Variants in ZMPSTE24 observed in about 807,000 individuals in gnomAD.
The protein encoded by ZMPSTE24 is CAAX prenyl protease 1 homolog.
ZMPSTE24 carries 48 observed loss-of-function variants against 56.7 expected under a neutral mutation model. That is an observed-to-expected ratio of 0.85 (90% CI 0.67 to 1.08). The LOEUF (loss-of-function observed/expected upper bound fraction) is 1.08. Ranked by LOEUF, ZMPSTE24 falls within the 50% of genes least tolerant of loss-of-function variation. ZMPSTE24 has a pLI of 0.00. For missense variants in ZMPSTE24, 503 were observed against 548.7 expected, an observed-to-expected ratio of 0.92 and a Z score of 0.83; for synonymous variants, 172 against 195.2, an observed-to-expected ratio of 0.88 and a Z score of 0.99.
At chr1:40,267,923 A>C in intron 3 of ZMPSTE24, 51 bp downstream of exon 3, 1 of 1,539,110 alleles carries the variant, frequency 6.5e-7, no homozygotes, top group East Asian at 2.3e-5. Context: ...TTAGCTTGGC[A>C]GGCTTTCCAC....
rs545290137 is a variant in ZMPSTE24 at position 40,290,692 on chromosome 1, G to A, written c.1060-162G>A. 384 of 645,938 alleles carry A rather than the reference G, an allele frequency of 5.9e-4. 2 individuals carry two copies. The African/African-American group carries it at 6.7e-3, about 11-fold the overall frequency. 40.0% of individuals were successfully genotyped at this position (645,938 alleles called of 1,614,324 possible). On this transcript the variant is annotated intron_variant, in intron 8 of 9. Coordinates refer to ENST00000372759, the MANE Select transcript of ZMPSTE24 (RefSeq NM_005857.5). The stretch of plus-strand genomic sequence containing the variant: ...TTAGCCAGGATGGTCTCAATCTCCT[G>A]ACCTCGTGATCCACCCGCCTTGGCC...
chr1:40,275,092 C>T (rs1209796939), intron 6 of ZMPSTE24, among the ~76,000 whole-genome samples: 1 of 152,052 alleles, frequency 6.6e-6, no homozygotes, highest in Non-Finnish European at 1.5e-5. Context: ...TAGAAACCAA[C>T]TGTGGCTGAT....
chr1:40,273,906 C>CT (rs200547423), intron 6 of ZMPSTE24, among the ~76,000 whole-genome samples: 1 of 150,974 alleles, frequency 6.6e-6, no homozygotes. Flanking sequence ...TTCTTTTTAT[C>CT]TTTTTTTTTC....
At chr1:40,274,946 A>C (rs1192612949) in intron 6 of ZMPSTE24, among the ~76,000 whole-genome samples, 2 of 151,788 alleles carry the variant, frequency 1.3e-5, no homozygotes, top group Non-Finnish European at 2.9e-5. Flanking sequence ...TTTTGACCTG[A>C]GCAGTTAGAT....
At chr1:40,288,689 G>A (rs775835885) in intron 8 of ZMPSTE24, among the ~76,000 whole-genome samples, 1 of 152,278 alleles carries the variant, frequency 6.6e-6, no homozygotes, top group Non-Finnish European at 1.5e-5. Flanking sequence ...TTGACCATGG[G>A]ACTCTTTGGG....
At chr1:40,265,650 C>G (rs1643541614) in intron 2 of ZMPSTE24, among the ~76,000 whole-genome samples, 1 of 152,134 alleles carries the variant, frequency 6.6e-6, no homozygotes, top group African/African-American at 2.4e-5. Context: ...AAGCTATGAT[C>G]ATAACACTGC....
At chr1:40,263,303 C>T (rs1643516800) in intron 2 of ZMPSTE24, among the ~76,000 whole-genome samples, 1 of 152,200 alleles carries the variant, frequency 6.6e-6, no homozygotes, top group Non-Finnish European at 1.5e-5. Flanking sequence ...ATGATTTTCA[C>T]TTCATACATA....
intron 7 of ZMPSTE24, among the ~76,000 whole-genome samples, chr1:40,283,520 T>A (rs1643752754): frequency 1.3e-5 from 2 of 151,508 alleles, no homozygotes; most frequent in Admixed American, 6.6e-5. Flanking sequence ...AAAAAAAAAA[T>A]TGCTGATCCT....
chr1:40,280,024 A>G (rs1340381247), intron 6 of ZMPSTE24, among the ~76,000 whole-genome samples: 3 of 152,314 alleles, frequency 2.0e-5, no homozygotes, highest in Admixed American at 2.0e-4. Flanking sequence ...TGTGTAAAAT[A>G]AGAGAAGACG....
At chr1:40,273,516 T>TAAAAAAAAAAAAAAAAAA (rs1205861105) in intron 6 of ZMPSTE24, among the ~76,000 whole-genome samples, 2 of 10,584 alleles carry the variant, frequency 1.9e-4, no homozygotes, top group Non-Finnish European at 2.9e-4. Context: ...AAATTCTGTC[T>TAAAAAAAAAAAAAAAAAA]AAAAAAAAAA....
At chr1:40,276,899 C>T (rs1279134696) in intron 6 of ZMPSTE24, among the ~76,000 whole-genome samples, 1 of 152,126 alleles carries the variant, frequency 6.6e-6, no homozygotes, top group African/African-American at 2.4e-5. Context: ...AGATAGTGTG[C>T]TCTGCTACAA....
At position 40,280,593 on chromosome 1, in the gene ZMPSTE24, T is replaced by G. The variant is rs190630110; in HGVS notation, c.770-750T>G. On this transcript the variant is annotated intron_variant, in intron 6 of 9. Transcript: ENST00000372759. ...GTGTGCGCCACCATGCCCGGCTAAT[T>G]TTTTGTATTTTTGGTAGAGACAGGG... is the stretch of plus-strand genomic sequence containing the variant. Among the ~76,000 whole-genome samples, 3 of 152,034 alleles carry G rather than the reference T, an allele frequency of 2.0e-5. No individual in the cohort carries two copies. In the East Asian group the frequency reaches 5.8e-4, roughly 29 times the overall value.
At position 40,281,477 on chromosome 1, in the gene ZMPSTE24, C is replaced by T; in HGVS notation, c.904C>T (p.Pro302Ser). 1 of 1,614,112 alleles carries T rather than the reference C, an allele frequency of 6.2e-7. No individual in the cohort carries two copies. Among genetic ancestry groups the T allele is most frequent in the Non-Finnish European group, 8.5e-7 (1 of 1,180,000 alleles). Residue 302 changes from proline (P) to serine (S), a missense_variant, in exon 7 of 10, where the codon CCC becomes TCC. Pro to Ser is a moderately conservative substitution (Grantham distance 74). Transcript: ENST00000372759. ...KDIQEDSGMEPRNEEEGNSEE... is the reference protein window; with the variant it reads ...KDIQEDSGMESRNEEEGNSEE... ...CATCCAGGAGGATTCTGGCATGGAA[C>T]CCCGCAATGAGGAAGAAGGGAACAG... is the stretch of plus-strand genomic sequence containing the variant.
chr1:40,280,243 G>A (rs915498566), intron 6 of ZMPSTE24, among the ~76,000 whole-genome samples: 21 of 151,974 alleles, frequency 1.4e-4, no homozygotes, highest in Non-Finnish European at 1.5e-5. Flanking sequence ...ACTTCCGATG[G>A]CCTGCCACTA....
At chr1:40,291,336 G>A (rs993574388) in intron 9 of ZMPSTE24, among the ~76,000 whole-genome samples, 8 of 152,188 alleles carry the variant, frequency 5.3e-5, no homozygotes, top group Non-Finnish European at 1.2e-4. Context: ...ATGTGTATGA[G>A]GGGACAAAGC....
chr1:40,262,729 C>T, intron 2 of ZMPSTE24: 1 of 760,138 alleles, frequency 1.3e-6, no homozygotes, highest in Non-Finnish European at 1.7e-6. Context: ...GCATGTTTTC[C>T]CTCCATTGCT....
chr1:40,263,785 A>G (rs1290596613), intron 2 of ZMPSTE24, among the ~76,000 whole-genome samples: 1 of 147,730 alleles, frequency 6.8e-6, no homozygotes, highest in Non-Finnish European at 1.5e-5. Flanking sequence ...ACCTAAATAG[A>G]GTCATTGTGT....
At chr1:40,273,711 T>A (rs1211831849) in intron 6 of ZMPSTE24, among the ~76,000 whole-genome samples, 2 of 149,560 alleles carry the variant, frequency 1.3e-5, no homozygotes, top group Non-Finnish European at 3.0e-5. Flanking sequence ...CTTTTTTTTT[T>A]AGGTAATATT....
At chr1:40,284,156 G>A (rs1444967861) in intron 7 of ZMPSTE24, among the ~76,000 whole-genome samples, 1 of 133,482 alleles carries the variant, frequency 7.5e-6, no homozygotes, top group Non-Finnish European at 1.6e-5. Context: ...GTTTCACCAT[G>A]TTGGCCAGGC....
Sources: allele counts gnomAD v4.1 joint callset (sites outside exome capture counted in the v4.1 genomes callset), GRCh38; gene constraint gnomAD v4.1.1; transcripts MANE v1.5; gene names NCBI Gene and HGNC (gene_info 2026-07-23, HGNC 2026-07-21).